Variants in NEDD9 observed in about 807,000 individuals in gnomAD.
NEDD9 encodes neural precursor cell expressed, developmentally down-regulated 9.
Under a neutral mutation model 76.6 loss-of-function variants are expected in NEDD9, and 26 were observed. The observed-to-expected ratio is 0.34, with a 90% CI of 0.25 to 0.47. The LOEUF is 0.47. NEDD9 is among the 20% of genes least tolerant of loss of function. NEDD9 has a pLI of 1.00. For synonymous variants in NEDD9, 392 were observed against 414.2 expected, an observed-to-expected ratio of 0.95 and a Z score of 0.65; for missense variants, 937 against 1,058.5, an observed-to-expected ratio of 0.89 and a Z score of 1.59.
At chr6:11,323,359 G>T (rs1761853459) in intron 2 of NEDD9, among the ~76,000 whole-genome samples, 3 of 152,212 alleles carry the variant, frequency 2.0e-5, no homozygotes, top group Non-Finnish European at 2.9e-5. Flanking sequence ...TTTCAGAAAA[G>T]CAGGCACTGC....
chr6:11,208,677 C>G (rs988079330), intron 2 of NEDD9, among the ~76,000 whole-genome samples: 1 of 152,170 alleles, frequency 6.6e-6, no homozygotes, highest in South Asian at 2.1e-4. Flanking sequence ...TAGCCCCAAA[C>G]TGATCTTCAG....
intron 1 of NEDD9, among the ~76,000 whole-genome samples, chr6:11,345,990 C>CA (rs1762357779): frequency 6.6e-6 from 1 of 152,242 alleles, no homozygotes; most frequent in African/African-American, 2.4e-5. Context: ...ACTCTGCCCC[C>CA]AGGACCTCCC....
intron 3 of NEDD9, among the ~76,000 whole-genome samples, chr6:11,255,176 A>G (rs886496232): frequency 6.6e-6 from 1 of 152,366 alleles, no homozygotes; most frequent in African/African-American, 2.4e-5. Context: ...CCAGAAAGGA[A>G]GAATCTTATG....
chr6:11,214,275 T>C (rs1003861037), intron 1 of NEDD9: 3 of 497,366 alleles, frequency 6.0e-6, no homozygotes, highest in African/African-American at 2.0e-5. Flanking sequence ...TGTTCTCAGA[T>C]GACAGGAGCC....
chr6:11,293,404 T>G (rs1428484058), intron 3 of NEDD9, among the ~76,000 whole-genome samples: 2 of 152,064 alleles, frequency 1.3e-5, no homozygotes, highest in African/African-American at 4.8e-5. Flanking sequence ...TATTTTCGAG[T>G]TTTTAATATG....
chr6:11,200,983 A>G lies in NEDD9; in HGVS notation c.460-7291T>C, dbSNP rs569509973. The G allele has an allele frequency of 1.9e-5, 30 of 1,614,238 alleles. No homozygotes were observed. The South Asian group carries it at 3.3e-4, about 18-fold the overall frequency. ...GATGAGATCTTTTCAGTGGAGGTTC[A>G]CAAGCTGGTTTGTTTAGAGGCTCTC... On this transcript the variant is annotated intron_variant, in intron 2 of 6. Transcript: ENST00000379446.
chr6:11,201,034 C>T, intron 2 of NEDD9: 1 of 1,614,240 alleles, frequency 6.2e-7, no homozygotes, highest in Non-Finnish European at 8.5e-7. Context: ...ACTTGCCCAT[C>T]TCTCTGGAAC....
intron 1 of NEDD9, among the ~76,000 whole-genome samples, chr6:11,356,403 T>G (rs1438250829): frequency 6.6e-6 from 1 of 152,242 alleles, no homozygotes; most frequent in Non-Finnish European, 1.5e-5. Context: ...ACATATAAAT[T>G]ATTCACAAAT....
At chr6:11,297,714 C>T (rs1760931164) in intron 3 of NEDD9, among the ~76,000 whole-genome samples, 1 of 152,116 alleles carries the variant, frequency 6.6e-6, no homozygotes, top group African/African-American at 2.4e-5. Flanking sequence ...ACGTGCCAAA[C>T]ACAATTCTAA....
At chr6:11,239,581 G>A (rs1300632194) in intron 3 of NEDD9, among the ~76,000 whole-genome samples, 1 of 152,010 alleles carries the variant, frequency 6.6e-6, no homozygotes, top group East Asian at 1.9e-4. Flanking sequence ...GAGTTTTAAT[G>A]CTTGATTCTT....
At chr6:11,245,605 A>C (rs1218099342) in intron 3 of NEDD9, among the ~76,000 whole-genome samples, 1 of 150,484 alleles carries the variant, frequency 6.6e-6, no homozygotes. Flanking sequence ...GTAGCAGCCA[A>C]CGCGGCTGCA....
At chr6:11,233,167 C>T, upstream of NEDD9, 6 of 504,268 alleles carry the variant, frequency 1.2e-5, no homozygotes, top group Admixed American at 6.1e-5. Flanking sequence ...GTCCCTTTTT[C>T]TTTCCCCCTC....
At chr6:11,255,297 G>A (rs1045812034) in intron 3 of NEDD9, among the ~76,000 whole-genome samples, 3 of 152,254 alleles carry the variant, frequency 2.0e-5, no homozygotes, top group African/African-American at 7.2e-5. Context: ...AGAAGGGGGT[G>A]ATTCATTCAT....
intron 2 of NEDD9, among the ~76,000 whole-genome samples, chr6:11,333,503 G>T (rs370742129): frequency 6.6e-6 from 1 of 152,120 alleles, no homozygotes; most frequent in East Asian, 1.9e-4. Flanking sequence ...TCCTCCTCTC[G>T]CTATGGAAAG....
rs1439847528 is a variant in NEDD9, at chr6:11,198,081, G to A, written c.460-4389C>T. ...AAGAAACAAGCCAGGCTTTGGTGCCGGGGAGACAGAACTCCTTCTACCGAA... is the reference window on the plus strand; with the variant it reads ...AAGAAACAAGCCAGGCTTTGGTGCCAGGGAGACAGAACTCCTTCTACCGAA... On this transcript the variant is annotated intron_variant, in intron 2 of 6. Transcript: ENST00000379446. The surrounding 1 kb of genome is among the most constrained non-coding windows in gnomAD (Gnocchi z 4.7). 6.6e-6 allele frequency among the ~76,000 whole-genome samples: 1 copy of A among 152,098 alleles called. No homozygotes were observed. The highest frequency in any genetic ancestry group is 2.4e-5 in the African/African-American group (1 of 41,404).
chr6:11,197,009 G>C (rs1216263303), intron 2 of NEDD9, among the ~76,000 whole-genome samples: 1 of 151,956 alleles, frequency 6.6e-6, no homozygotes, highest in Non-Finnish European at 1.5e-5. Flanking sequence ...GCTTTTTCTT[G>C]CTGCGTGACA....
Position 11,301,632 on chromosome 6 carries a change from G to C in NEDD9, c.12+4360C>G, listed in dbSNP as rs139749723. On this transcript the variant is annotated intron_variant, in intron 3 of 3. Coordinates refer to the NEDD9 transcript ENST00000397378. ...TTAGTTGGAAGTAAAGCACTCCTCA[G>C]CAAATGTAAAAGAACAGAAACCACA... Among the ~76,000 whole-genome samples, 619 of 152,280 alleles carry C rather than the reference G, an allele frequency of 4.1e-3. 6 individuals carry two copies. The East Asian group carries it at 0.053, about 13-fold the overall frequency.
At chr6:11,353,615 C>G (rs1035723297) in intron 1 of NEDD9, among the ~76,000 whole-genome samples, 1 of 152,206 alleles carries the variant, frequency 6.6e-6, no homozygotes, top group African/African-American at 2.4e-5. Flanking sequence ...GTTTATGGTA[C>G]TTTGTAACAG....
At chr6:11,216,098 G>C (rs1419841262) in intron 1 of NEDD9, among the ~76,000 whole-genome samples, 2 of 152,178 alleles carry the variant, frequency 1.3e-5, no homozygotes, top group African/African-American at 4.8e-5. Flanking sequence ...GAAACTCTCA[G>C]AGCCCCACAG....
Sources: allele counts gnomAD v4.1 joint callset (sites outside exome capture counted in the v4.1 genomes callset), GRCh38; gene constraint gnomAD v4.1.1; non-coding constraint Gnocchi (gnomAD v3.1); transcripts MANE v1.5; gene names NCBI Gene and HGNC (gene_info 2026-07-23, HGNC 2026-07-21).